The following HSD17B12 variants were observed in gnomAD, a reference collection of about 807,000 sequenced individuals.
HSD17B12 encodes hydroxysteroid 17-beta dehydrogenase 12, also known as very-long-chain 3-oxoacyl-CoA reductase.
Under a neutral mutation model 39.3 loss-of-function variants are expected in HSD17B12, and 32 were observed. That is an observed-to-expected ratio of 0.81 (90% CI 0.61 to 1.09). The LOEUF is 1.09. Ranked by LOEUF, HSD17B12 falls within the 50% of genes least tolerant of loss-of-function variation. The pLI is 0.00. For synonymous variants in HSD17B12, 150 were observed against 146.7 expected (o/e 1.02, Z -0.16); for missense variants, 342 against 382.9 (o/e 0.89, Z 0.89).
chr11:43,838,446 T>C (rs757315548), intron 8 of HSD17B12, 48 bp downstream of exon 8: 1 of 1,334,502 alleles, frequency 7.5e-7, no homozygotes, highest in Non-Finnish European at 1.1e-6. Context: ...TAAGGGGTAA[T>C]TTTTAGTCTG....
chr11:43,619,182 AAATAT>A, the HSD17B12 span, among the ~76,000 whole-genome samples: 3 of 50,668 alleles, frequency 5.9e-5, no homozygotes, highest in African/African-American at 1.7e-4. Flanking sequence ...TATATATATA[AAATAT>A]ATATATATAT....
chr11:43,557,030 TGGA>T, the HSD17B12 span: 4 of 152,184 alleles, frequency 2.6e-5, no homozygotes, highest in Non-Finnish European at 5.9e-5. Flanking sequence ...GGTGAATGTT[TGGA>T]GGAGTAGATT....
the HSD17B12 span, among the ~76,000 whole-genome samples, chr11:43,606,201 A>G: frequency 2.0e-5 from 3 of 152,260 alleles, no homozygotes; most frequent in African/African-American, 4.8e-5. Flanking sequence ...TAATCTACTT[A>G]GTGAAGTTCT....
intron 3 of HSD17B12, among the ~76,000 whole-genome samples, chr11:43,791,074 A>G (rs989549604): frequency 2.0e-5 from 3 of 152,172 alleles, no homozygotes; most frequent in Non-Finnish European, 2.9e-5. Flanking sequence ...AAGAAATGGT[A>G]TTCTTGAAAG....
At chr11:43,587,814 C>G in the HSD17B12 span, among the ~76,000 whole-genome samples, 1,130 of 152,272 alleles carry the variant, frequency 7.4e-3, 17 homozygotes, top group African/African-American at 0.026. Flanking sequence ...CCAGGGCTCA[C>G]AGCAAAGACG....
At chr11:43,839,960 A>G (rs1036461995) in intron 8 of HSD17B12, 39 bp from the exon 9 acceptor site, 1 of 1,465,636 alleles carries the variant, frequency 6.8e-7, no homozygotes, top group Non-Finnish European at 9.5e-7. Flanking sequence ...AGATTGATGT[A>G]ATGTGTGTGT....
At chr11:43,690,273 C>G (rs2134778115) in intron 1 of HSD17B12, among the ~76,000 whole-genome samples, 1 of 149,604 alleles carries the variant, frequency 6.7e-6, no homozygotes, top group African/African-American at 2.5e-5. Context: ...CTTTTAATCT[C>G]AAGCACCTAG....
intron 6 of HSD17B12, among the ~76,000 whole-genome samples, chr11:43,819,654 T>C (rs930100992): frequency 6.6e-6 from 1 of 152,236 alleles, no homozygotes; most frequent in Non-Finnish European, 1.5e-5. Context: ...TTCATTGACA[T>C]TGGCATATAT....
rs1951236108 is a variant in HSD17B12, at chr11:43,826,139, G to A, written c.502-4837G>A. On this transcript the variant is annotated intron_variant, in intron 6 of 10. Transcript: ENST00000278353. ...ACTCTGTCGCCAAGGCTGGAGTGCA[G>A]TGGCGTGATCTCCGCTCACTGCAAG... 4.1e-5 allele frequency among the ~76,000 whole-genome samples: 6 copies of A among 145,590 alleles called. No homozygotes were observed. In the South Asian group the frequency reaches 1.3e-3, roughly 32 times the overall value.
chr11:43,664,480 G>A, the HSD17B12 span, among the ~76,000 whole-genome samples: 1 of 152,142 alleles, frequency 6.6e-6, no homozygotes, highest in South Asian at 2.1e-4. Flanking sequence ...TGTGCCAGCC[G>A]ATCCATTTGG....
chr11:43,672,323 A>G, the HSD17B12 span, among the ~76,000 whole-genome samples: 52 of 152,154 alleles, frequency 3.4e-4, no homozygotes, highest in African/African-American at 1.1e-3. Flanking sequence ...TGCTGGGATT[A>G]CAGGCGTGAG....
intron 3 of HSD17B12, among the ~76,000 whole-genome samples, chr11:43,788,276 C>T (rs1434713995): frequency 4.0e-5 from 6 of 151,738 alleles, no homozygotes; most frequent in African/African-American, 1.5e-4. Context: ...AGAAAAGATT[C>T]GTTTTACTAA....
intron 3 of HSD17B12, among the ~76,000 whole-genome samples, chr11:43,773,522 A>G (rs924963457): frequency 3.3e-5 from 5 of 152,216 alleles, no homozygotes; most frequent in Non-Finnish European, 7.3e-5. Flanking sequence ...TACAGGAGTG[A>G]GCCACTGTAC....
At chr11:43,675,913 A>G (rs1949690251), upstream of HSD17B12, among the ~76,000 whole-genome samples, 1 of 152,132 alleles carries the variant, frequency 6.6e-6, no homozygotes, top group Non-Finnish European at 1.5e-5. Flanking sequence ...GGAGTTTGAG[A>G]CCAGCCTGGC....
chr11:43,759,012 A>T (rs976136901), intron 3 of HSD17B12, among the ~76,000 whole-genome samples: 1 of 152,206 alleles, frequency 6.6e-6, no homozygotes, highest in African/African-American at 2.4e-5. Flanking sequence ...GCGCCCAGTC[A>T]GGAAACAGAA....
the HSD17B12 span, among the ~76,000 whole-genome samples, chr11:43,659,269 C>T: frequency 3.3e-5 from 5 of 151,870 alleles, no homozygotes; most frequent in Middle Eastern, 3.4e-3. Context: ...GGGAGTGACC[C>T]GATTTTCCAG....
At chr11:43,754,435 G>A (rs144026596) in intron 3 of HSD17B12, among the ~76,000 whole-genome samples, 1,634 of 152,148 alleles carry the variant, frequency 0.011, 11 homozygotes, top group Non-Finnish European at 0.016. Context: ...AATTAGCCGG[G>A]TATGGTGGCG....
At chr11:43,709,427 A>G (rs1178934558) in intron 1 of HSD17B12, among the ~76,000 whole-genome samples, 1 of 152,272 alleles carries the variant, frequency 6.6e-6, no homozygotes, top group African/African-American at 2.4e-5. Context: ...CACCTGGCCC[A>G]TAAGCAAGAC....
chr11:43,630,897 C>T, the HSD17B12 span, among the ~76,000 whole-genome samples: 1 of 151,804 alleles, frequency 6.6e-6, no homozygotes, highest in Non-Finnish European at 1.5e-5. Flanking sequence ...CTCCACCCCC[C>T]AGGTTCAAGC....
Sources: gnomAD v4.1 joint callset for allele counts (sites outside exome capture counted in the v4.1 genomes callset) on GRCh38, gnomAD v4.1.1 for gene constraint, MANE v1.5 for transcripts, NCBI Gene and HGNC (gene_info 2026-07-23, HGNC 2026-07-21) for gene names.